Variants in MTMR4 observed in about 807,000 individuals in gnomAD.
The protein encoded by MTMR4 is phosphatidylinositol-3,5-bisphosphate 3-phosphatase MTMR4.
Under a neutral mutation model 125.5 loss-of-function variants are expected in MTMR4, and 30 were observed. The ratio of observed to expected loss-of-function variants is 0.24; its 90% confidence interval spans 0.18 to 0.32. The LOEUF (loss-of-function observed/expected upper bound fraction) is 0.32. Ranked by LOEUF, MTMR4 falls within the 10% of genes least tolerant of loss-of-function variation. The pLI, the probability that MTMR4 is intolerant of heterozygous loss-of-function variation, is 1.00. For synonymous variants in MTMR4, 498 were observed against 564.5 expected (o/e 0.88, Z 1.67); for missense variants, 1,039 against 1,511.5 (o/e 0.69, Z 5.18).
At chr17:58,509,086 G>C (rs1365123053) in intron 4 of MTMR4, among the ~76,000 whole-genome samples, 1 of 152,104 alleles carries the variant, frequency 6.6e-6, no homozygotes, top group African/African-American at 2.4e-5. Context: ...CTCTCGAATG[G>C]GGCGCTACTG....
upstream of MTMR4, chr17:58,516,616 T>C: frequency 1.9e-6 from 3 of 1,614,030 alleles, no homozygotes; most frequent in African/African-American, 1.3e-5. Context: ...TGCCTGCTTC[T>C]CACTGTAAGG....
At chr17:58,502,324 A>C (rs879585637) in intron 14 of MTMR4, among the ~76,000 whole-genome samples, 10 of 151,804 alleles carry the variant, frequency 6.6e-5, no homozygotes, top group African/African-American at 9.7e-5. Context: ...TGCCCGGCTA[A>C]TTTTTGTATT....
chr17:58,500,488 G>A (rs1000744276), intron 14 of MTMR4, among the ~76,000 whole-genome samples: 4 of 151,570 alleles, frequency 2.6e-5, no homozygotes, highest in African/African-American at 9.7e-5. Flanking sequence ...AGTTGGCCGG[G>A]TCTGGTAATC....
In MTMR4 at chr17:58,511,498, A is replaced by G. The variant is rs1433470349; in HGVS notation, c.266T>C (p.Met89Thr). ...KDSVINVPLR[M>T]IDSVESRDMF... ...ATCACGGCTCTCCACACTGTCAATC[A>G]TCCGGAGGGGGACCTGTAGAGGAAG... The change falls in exon 4 of 18, where the codon ATG becomes ACG. Residue 89 changes from methionine to threonine, a missense_variant. By Grantham distance (81) the Met-to-Thr change is moderately conservative. Transcript: ENST00000682306. 5 of 1,612,536 alleles carry G rather than the reference A, an allele frequency of 3.1e-6. No homozygotes were observed. Among genetic ancestry groups the G allele is most frequent in the Non-Finnish European group, 4.2e-6 (5 of 1,179,434 alleles).
chr17:58,506,674 C>T, intron 9 of MTMR4, 69 bp downstream of exon 9: 2 of 1,580,096 alleles, frequency 1.3e-6, no homozygotes, highest in African/African-American at 1.3e-5. Flanking sequence ...ACAAATGGCC[C>T]CCAACCCCCT....
Position 58,508,976 on chromosome 17 carries a change from C to T in MTMR4, c.336-135G>A, listed in dbSNP as rs749608025. 2.1e-6 allele frequency: 2 copies of T among 964,176 alleles called. No homozygotes were observed. Among genetic ancestry groups the T allele is most frequent in the Non-Finnish European group, 3.0e-6 (2 of 658,486 alleles). The allele number at this position is 964,176 out of a possible 1,614,324, so 59.7% of individuals were successfully genotyped here. ...AAGCAAGAGGTAAAGCAGTGGGGAC[C>T]CAGGGTGGGGGGACGAGGGACACTG... On this transcript the variant is annotated intron_variant, in intron 4 of 17. Coordinates refer to ENST00000682306, the MANE Select transcript of MTMR4 (RefSeq NM_001378067.1). This position sits in a 1 kb window ranked among gnomAD's most constrained non-coding sequence, Gnocchi z 4.8.
intron 14 of MTMR4, among the ~76,000 whole-genome samples, chr17:58,500,234 C>T (rs944049812): frequency 2.6e-5 from 4 of 152,170 alleles, no homozygotes; most frequent in African/African-American, 9.7e-5. Context: ...GCAAACAATC[C>T]TCCTACGTCA....
intron 4 of MTMR4, chr17:58,511,219 C>T (rs972104580): frequency 2.0e-6 from 1 of 500,022 alleles, no homozygotes; most frequent in South Asian, 3.0e-5. Flanking sequence ...ACGATGACTC[C>T]ATGAACTAGG....
intron 15 of MTMR4, among the ~76,000 whole-genome samples, chr17:58,493,668 A>G (rs1975374261): frequency 6.6e-6 from 1 of 152,192 alleles, no homozygotes; most frequent in African/African-American, 2.4e-5. Context: ...CTGCTTTTGC[A>G]CAATAGCAGA....
rs1434156629 is a variant in MTMR4 at position 58,490,269 on chromosome 17, C to T, written c.*1394G>A. ...TAAATATAATTTACCATTTATATGTCAACAAATTAAGGAAAACTGTATAAA... is the reference window on the plus strand; with the variant it reads ...TAAATATAATTTACCATTTATATGTTAACAAATTAAGGAAAACTGTATAAA... On this transcript the variant is annotated 3_prime_UTR_variant, in exon 18 of 18. Coordinates refer to ENST00000682306, the MANE Select transcript of MTMR4 (RefSeq NM_001378067.1). The T allele has an allele frequency of 6.6e-6, 1 of 152,454 alleles. No individual in the cohort carries two copies. Among genetic ancestry groups the T allele is most frequent in the Non-Finnish European group, 1.5e-5 (1 of 68,038 alleles). 9.4% of individuals were successfully genotyped at this position (152,454 alleles called of 1,614,324 possible). A position where few individuals can be genotyped will look rare whatever the true frequency, so the allele number is the denominator to read the frequency against.
At chr17:58,513,093 G>C in intron 1 of MTMR4, 152 bp from the exon 2 acceptor site, 1 of 652,906 alleles carries the variant, frequency 1.5e-6, no homozygotes, top group Non-Finnish European at 2.7e-6. Context: ...ATCTGACTTG[G>C]TTGGAGACAG....
chr17:58,508,208 G>A lies in MTMR4; in HGVS notation c.660C>T (p.Asn220=), dbSNP rs746893301. ...GCTTCCAGGAGCGGAAGGAAGCCAC[G>A]TTCTCCAGCTCTTTGTCAGTGATCC... ...PVWITDKELE[N]VASFRSWKRI... is the part of the protein sequence containing the mutation. The change falls in exon 7 of 18, where the codon AAC becomes AAT. Residue 220 remains asparagine, a synonymous_variant. Transcript: ENST00000682306. This position sits in a 1 kb window ranked among gnomAD's most constrained non-coding sequence, Gnocchi z 4.8. 20 of 1,613,766 alleles carry A rather than the reference G, an allele frequency of 1.2e-5. No homozygotes were observed. In the East Asian group the frequency reaches 2.2e-4, roughly 18 times the overall value.
intron 1 of MTMR4, among the ~76,000 whole-genome samples, chr17:58,513,390 C>T (rs962340404): frequency 6.6e-6 from 1 of 152,140 alleles, no homozygotes; most frequent in Non-Finnish European, 1.5e-5. Context: ...ACTGAAGCTT[C>T]AATCTGGTGG....
upstream of MTMR4, among the ~76,000 whole-genome samples, chr17:58,515,376 T>C (rs1342227598): frequency 6.6e-6 from 1 of 151,118 alleles, no homozygotes; most frequent in Non-Finnish European, 1.5e-5. Context: ...CAGAGGGAGG[T>C]GGCTGGAACC....
At position 58,492,921 on chromosome 17, in the gene MTMR4, G is replaced by A; in HGVS notation, c.3284C>T (p.Thr1095Ile). ...ACTGTGATCAGAGCCAAAATCCTCA[G>A]TATCACTGCCATCTGACTCCTTCAA... is the stretch of plus-strand genomic sequence containing the variant. ...TCLKESDGSD[T>I]EDFGSDHSED... is the part of the protein sequence containing the mutation. The change falls in exon 16 of 18, where the codon ACT becomes ATT. Residue 1095 changes from threonine (T) to isoleucine (I), a missense_variant. Around this residue, in one of 6 missense-constraint regions of MTMR4, gnomAD observed 619 missense variants for 714.5 expected, o/e 0.87. Transcript: ENST00000682306. 6.2e-7 allele frequency: 1 copy of A among 1,614,204 alleles called. No homozygotes were observed. Among genetic ancestry groups the A allele is most frequent in the Non-Finnish European group, 8.5e-7 (1 of 1,180,030 alleles).
chr17:58,506,960 A>G, intron 8 of MTMR4, 89 bp from the exon 9 acceptor site: 1 of 1,563,014 alleles, frequency 6.4e-7, no homozygotes, highest in South Asian at 1.2e-5. Context: ...AAGGCAGAAC[A>G]TGCAACTAGA....
Position 58,495,440 on chromosome 17 carries a change from G to A in MTMR4, c.2744C>T (p.Ser915Phe). 6.2e-7 allele frequency: 1 copy of A among 1,614,250 alleles called. No homozygotes were observed. The highest frequency in any genetic ancestry group is 8.5e-7 in the Non-Finnish European group (1 of 1,180,044). ...PISQSQISEF[S>F]FLGSNWDSFQ... ...GCTGTCCCAGTTGGACCCTAGAAAA[G>A]AGAACTCACTGATCTGGCTCTGAGA... The change falls in exon 15 of 18, where the codon TCT (serine) becomes TTT (phenylalanine). Residue 915 changes from serine (S) to phenylalanine (F), a missense_variant. By Grantham distance (155) the Ser-to-Phe change is radical. Around this residue, in one of 6 missense-constraint regions of MTMR4, gnomAD observed 619 missense variants for 714.5 expected, o/e 0.87. Coordinates refer to ENST00000682306, the MANE Select transcript of MTMR4 (RefSeq NM_001378067.1).
rs188157356 is a variant in MTMR4, at chr17:58,500,721, A to G, written c.1853+3023T>C. Among the ~76,000 whole-genome samples, 183 of 143,580 alleles carry G rather than the reference A, an allele frequency of 1.3e-3. 1 individual carries two copies. Among genetic ancestry groups the G allele is most frequent in the Admixed American group, 9.0e-3 (126 of 14,070 alleles). The allele number at this position is 143,580 out of a possible 152,430, so 94.2% of individuals were successfully genotyped here. A position where few individuals can be genotyped will look rare whatever the true frequency, so the allele number is the denominator to read the frequency against. On this transcript the variant is annotated intron_variant, in intron 14 of 17. Coordinates refer to ENST00000682306, the MANE Select transcript of MTMR4 (RefSeq NM_001378067.1). ...GCCAAGATTGCGCCACTGCACTCCA[A>G]CCGGTGACAGAGCGAGATTCTGTCT...
chr17:58,491,417 C>T lies in MTMR4; in HGVS notation c.*246G>A. On this transcript the variant is annotated 3_prime_UTR_variant, in exon 18 of 18. Transcript: ENST00000682306. ...AAAGAGGCTGGAGTCACCAACTCAA[C>T]ATTAAGCTTCCAGACCCTGGGTCTG... is the stretch of plus-strand genomic sequence containing the variant. The T allele has an allele frequency of 9.9e-6, 3 of 301,918 alleles. No homozygotes were observed. Among genetic ancestry groups the T allele is most frequent in the Non-Finnish European group, 1.9e-5 (3 of 160,636 alleles). 18.7% of individuals were successfully genotyped at this position (301,918 alleles called of 1,614,324 possible). A position where few individuals can be genotyped will look rare whatever the true frequency, so the allele number is the denominator to read the frequency against.
Sources: allele counts gnomAD v4.1 joint callset (sites outside exome capture counted in the v4.1 genomes callset), GRCh38; gene constraint gnomAD v4.1.1; regional missense constraint gnomAD v4.1.1; non-coding constraint Gnocchi (gnomAD v3.1); transcripts MANE v1.5; gene names NCBI Gene and HGNC (gene_info 2026-07-23, HGNC 2026-07-21).